The following TENT4A variants were observed in gnomAD, a reference collection of about 807,000 sequenced individuals.
TENT4A encodes terminal nucleotidyltransferase 4A.
In TENT4A, 7 loss-of-function variants were observed where a neutral mutation model predicts 72.8. The observed-to-expected ratio is 0.10, with a 90% CI of 0.05 to 0.18. The LOEUF (loss-of-function observed/expected upper bound fraction) is 0.18, where lower values mean the gene tolerates loss of function less well. Ranked by LOEUF, TENT4A falls within the 10% of genes least tolerant of loss-of-function variation. The pLI, the probability that TENT4A is intolerant of heterozygous loss-of-function variation, is 1.00. For missense variants in TENT4A, 831 were observed against 1,017.7 expected (o/e 0.82, Z 2.50); for synonymous variants, 456 against 434.3 (o/e 1.05, Z -0.62).
intron 4 of TENT4A, among the ~76,000 whole-genome samples, chr5:6,740,702 C>T (rs1317372482): frequency 6.6e-6 from 1 of 152,188 alleles, no homozygotes; most frequent in African/African-American, 2.4e-5. Context: ...TGAGAGTTAA[C>T]GAAGTGCACA....
chr5:6,721,715 G>A (rs1027708415), intron 1 of TENT4A, among the ~76,000 whole-genome samples: 4 of 152,202 alleles, frequency 2.6e-5, no homozygotes, highest in Admixed American at 1.3e-4. Flanking sequence ...CAGGGTGGGC[G>A]AGATGGGAGC....
chr5:6,741,038 G>C (rs1741776461), intron 4 of TENT4A, among the ~76,000 whole-genome samples: 1 of 152,232 alleles, frequency 6.6e-6, no homozygotes, highest in African/African-American at 2.4e-5. Flanking sequence ...CGGGGAGGTG[G>C]GTGGGAATCC....
chr5:6,750,725 A>G (rs1742357522), intron 10 of TENT4A: 2 of 550,464 alleles, frequency 3.6e-6, no homozygotes, highest in Admixed American at 3.6e-5. Context: ...GCGGCTGTCG[A>G]GGGCAGTAAT....
chr5:6,731,533 G>T (rs1052490316), intron 1 of TENT4A, among the ~76,000 whole-genome samples: 6 of 150,770 alleles, frequency 4.0e-5, no homozygotes, highest in Non-Finnish European at 8.9e-5. Flanking sequence ...TGGGTTTAAG[G>T]TGCTGAAACT....
chr5:6,719,296 A>T (rs1333543117), intron 1 of TENT4A, among the ~76,000 whole-genome samples: 1 of 152,152 alleles, frequency 6.6e-6, no homozygotes. Context: ...GAAAATAAGA[A>T]CTTTTTATGC....
intron 1 of TENT4A, among the ~76,000 whole-genome samples, chr5:6,717,582 A>G (rs1202477057): frequency 1.3e-5 from 2 of 152,268 alleles, no homozygotes; most frequent in African/African-American, 4.8e-5. Flanking sequence ...GATTGGTGCA[A>G]GAACCTTCAG....
At chr5:6,749,464 T>A in intron 8 of TENT4A, 93 bp from the exon 9 acceptor site, 1 of 721,544 alleles carries the variant, frequency 1.4e-6, no homozygotes, top group Non-Finnish European at 2.5e-6. Flanking sequence ...AGCGAGATGA[T>A]CTGTTAGGGG....
chr5:6,722,589 AG>A (rs1420436446), intron 1 of TENT4A, among the ~76,000 whole-genome samples: 1 of 140,450 alleles, frequency 7.1e-6, no homozygotes, highest in African/African-American at 2.7e-5. Flanking sequence ...AAGGTACATC[AG>A]CACTGTTCTA....
chr5:6,735,039 G>A (rs952590944), intron 1 of TENT4A, among the ~76,000 whole-genome samples: 2 of 152,180 alleles, frequency 1.3e-5, no homozygotes, highest in African/African-American at 2.4e-5. Context: ...TGATGTTGCC[G>A]TTACTTCAGG....
chr5:6,730,571 T>C (rs1366148572), intron 1 of TENT4A, among the ~76,000 whole-genome samples: 7 of 152,086 alleles, frequency 4.6e-5, no homozygotes, highest in Non-Finnish European at 1.0e-4. Context: ...GGCCTTCCCC[T>C]TACACGTGAG....
intron 10 of TENT4A, 50 bp downstream of exon 10, chr5:6,750,553 G>A: frequency 6.8e-7 from 1 of 1,464,352 alleles, no homozygotes; most frequent in Non-Finnish European, 9.2e-7. Flanking sequence ...TTGTGTCTCT[G>A]GTAAATGTCC....
chr5:6,735,579 A>G (rs915051320), intron 1 of TENT4A, among the ~76,000 whole-genome samples: 21 of 152,166 alleles, frequency 1.4e-4, no homozygotes, highest in African/African-American at 5.1e-4. Context: ...AAAGTGGCCT[A>G]CTGAGCTGGT....
chr5:6,723,750 C>T (rs1481602865), intron 1 of TENT4A, among the ~76,000 whole-genome samples: 4 of 152,150 alleles, frequency 2.6e-5, no homozygotes, highest in Non-Finnish European at 4.4e-5. Context: ...TGACAGCCAC[C>T]GCAGGACAAA....
intron 1 of TENT4A, among the ~76,000 whole-genome samples, chr5:6,719,364 A>G (rs1013755222): frequency 4.0e-5 from 6 of 150,846 alleles, no homozygotes; most frequent in African/African-American, 1.2e-4. Context: ...AAAGGTTAAG[A>G]AAAAAAAACA....
intron 4 of TENT4A, among the ~76,000 whole-genome samples, chr5:6,741,863 G>A (rs1413252387): frequency 2.0e-5 from 3 of 152,164 alleles, no homozygotes; most frequent in Non-Finnish European, 4.4e-5. Context: ...CTTTTCTTCT[G>A]GAAGAATTCA....
At chr5:6,742,631 G>A (rs201705669) in intron 5 of TENT4A, 34 bp downstream of exon 5, 3 of 1,282,644 alleles carry the variant, frequency 2.3e-6, no homozygotes, top group African/African-American at 2.9e-5. Flanking sequence ...CGGCGAGAGT[G>A]CAGGACTGGA....
chr5:6,723,870 A>T (rs1360233713), intron 1 of TENT4A, among the ~76,000 whole-genome samples: 4 of 152,162 alleles, frequency 2.6e-5, no homozygotes, highest in Admixed American at 2.6e-4. Context: ...ACTGGCCTGG[A>T]GGGAGGCTGC....
chr5:6,726,702 C>G (rs73033386), intron 1 of TENT4A, among the ~76,000 whole-genome samples: 5 of 152,242 alleles, frequency 3.3e-5, no homozygotes, highest in African/African-American at 1.2e-4. Context: ...AACCCACGTG[C>G]GTTGCCTGTC....
Position 6,714,275 on chromosome 5 carries a change from G to T in TENT4A, c.292G>T (p.Gly98Cys). 9.3e-7 allele frequency: 1 copy of T among 1,069,662 alleles called. No individual in the cohort carries two copies. Among genetic ancestry groups the T allele is most frequent in the South Asian group, 4.4e-5 (1 of 22,896 alleles). The allele number at this position is 1,069,662 out of a possible 1,614,324, so 66.3% of individuals were successfully genotyped here. A position where few individuals can be genotyped will look rare whatever the true frequency, so the allele number is the denominator to read the frequency against. ...GACGGCGCTGGGGCCCGCGGCCGAG[G>T]GCGCGCGGCGCTTGCACAAGTCGCC... ...LLTALGPAAE[G>C]ARRLHKSPSL... The change falls in exon 1 of 13, where the codon GGC (glycine) becomes TGC (cysteine). Residue 98 changes from glycine (G) to cysteine (C), a missense_variant. Physicochemically the swap from Gly to Cys is radical, Grantham distance 159. Coordinates refer to ENST00000230859, the MANE Select transcript of TENT4A (RefSeq NM_006999.6).
Sources: allele counts gnomAD v4.1 joint callset (sites outside exome capture counted in the v4.1 genomes callset), GRCh38; gene constraint gnomAD v4.1.1; transcripts MANE v1.5; gene names NCBI Gene and HGNC (gene_info 2026-07-23, HGNC 2026-07-21).